Variants in DNAH8 observed in about 807,000 individuals in gnomAD.
The protein encoded by DNAH8 is dynein axonemal heavy chain 8.
DNAH8 carries 382 observed loss-of-function variants against 562.1 expected under a neutral mutation model. The ratio of observed to expected loss-of-function variants is 0.68; its 90% CI spans 0.63 to 0.74. The LOEUF (loss-of-function observed/expected upper bound fraction) is 0.74. DNAH8 is among the 30% of genes least tolerant of loss of function. The probability of loss-of-function intolerance (pLI) is 0.00; values close to 1 mark genes in which losing one functional copy is unlikely to be tolerated. For synonymous variants in DNAH8, 1,881 were observed against 1,919.4 expected (o/e 0.98, Z 0.52); for missense variants, 5,203 against 5,620.4 (o/e 0.93, Z 2.37).
chr6:39,006,143 C>G (rs952720734), intron 88 of DNAH8, among the ~76,000 whole-genome samples: 5 of 152,216 alleles, frequency 3.3e-5, no homozygotes, highest in Non-Finnish European at 5.9e-5. Context: ...TGGAAAGGAA[C>G]CCAGCCTTGC....
chr6:38,873,492 T>C, intron 52 of DNAH8, 116 bp downstream of exon 52: 1 of 875,448 alleles, frequency 1.1e-6, no homozygotes, highest in Non-Finnish European at 1.7e-6. Flanking sequence ...CATTTGATGA[T>C]GTGGCTGTAA....
At chr6:38,856,189 G>T (rs1776182569) in intron 41 of DNAH8, among the ~76,000 whole-genome samples, 1 of 152,094 alleles carries the variant, frequency 6.6e-6, no homozygotes, top group Non-Finnish European at 1.5e-5. Flanking sequence ...TAGTTTCCAT[G>T]TATGTGTGAG....
At position 38,744,891 on chromosome 6, in the gene DNAH8, C is replaced by G. The variant is rs147135398; in HGVS notation, c.1293+3004C>G. Among the ~76,000 whole-genome samples, 1,308 of 152,284 alleles carry G rather than the reference C, an allele frequency of 8.6e-3. 20 individuals are homozygous for G. The highest frequency in any genetic ancestry group is 0.03 in the African/African-American group (1,232 of 41,548). On this transcript the variant is annotated intron_variant, in intron 8 of 92. Transcript: ENST00000327475. ...GGGATTACAGACGTGAGCCACTGTGCCTGGCCACTTGGAGTCCTTTATATA... is the reference window on the plus strand; with the variant it reads ...GGGATTACAGACGTGAGCCACTGTGGCTGGCCACTTGGAGTCCTTTATATA...
At chr6:38,776,217 CTT>C (rs200097924) in intron 13 of DNAH8, among the ~76,000 whole-genome samples, 103 of 137,094 alleles carry the variant, frequency 7.5e-4, no homozygotes, top group Non-Finnish European at 6.0e-4. Flanking sequence ...AGCTAGGATT[CTT>C]TTTTTTTTTT....
In DNAH8 at chr6:38,805,494, C is replaced by T. The variant is rs373742505; in HGVS notation, c.3048C>T (p.His1016=). Residue 1016 remains histidine (H), a synonymous_variant, in exon 23 of 93, where the codon CAC becomes CAT. Coordinates refer to ENST00000327475, the MANE Select transcript of DNAH8 (RefSeq NM_001206927.2). ...TTTTGTCTATAGAACAGCGGAAACA[C>T]GTTGTTTTTGGAAGTGAAACAGGAG... ...KVGKQSEQRK[H]VVFGSETGEG... 215 of 1,605,468 alleles carry T rather than the reference C, an allele frequency of 1.3e-4. 2 individuals carry two copies. The highest frequency in any genetic ancestry group is 9.2e-4 in the East Asian group (41 of 44,646).
At chr6:38,982,806 G>A (rs768209960) in intron 86 of DNAH8, among the ~76,000 whole-genome samples, 18 of 152,196 alleles carry the variant, frequency 1.2e-4, no homozygotes, top group Non-Finnish European at 2.5e-4. Context: ...GTATCTGCCT[G>A]CCCATGCGAA....
intron 57 of DNAH8, among the ~76,000 whole-genome samples, chr6:38,888,974 T>C (rs1402980803): frequency 1.3e-5 from 2 of 152,368 alleles, no homozygotes; most frequent in African/African-American, 2.4e-5. Flanking sequence ...AAGTATTCTT[T>C]TATGTTTTCT....
intron 20 of DNAH8, 86 bp downstream of exon 20, chr6:38,790,491 G>T (rs1769628640): frequency 9.0e-6 from 6 of 666,734 alleles, no homozygotes; most frequent in Non-Finnish European, 1.5e-5. Context: ...TCTTTAAAGG[G>T]TATGACTTTT....
chr6:38,909,301 T>G (rs1780704369), intron 64 of DNAH8, among the ~76,000 whole-genome samples: 1 of 152,186 alleles, frequency 6.6e-6, no homozygotes, highest in African/African-American at 2.4e-5. Context: ...TTCCTAGAAT[T>G]GAACGCAATA....
At chr6:38,778,855 A>G (rs761052208) in intron 14 of DNAH8, among the ~76,000 whole-genome samples, 22 of 152,154 alleles carry the variant, frequency 1.4e-4, no homozygotes, top group Non-Finnish European at 2.5e-4. Flanking sequence ...AAAACTTTCC[A>G]TTTTCCCTCC....
intron 68 of DNAH8, 105 bp downstream of exon 68, chr6:38,915,482 T>C: frequency 1.0e-6 from 1 of 973,550 alleles, no homozygotes. Context: ...CTTAATGTGA[T>C]TGATAATCTC....
chr6:38,773,124 A>AT (rs1041220513), intron 12 of DNAH8, among the ~76,000 whole-genome samples: 15 of 151,576 alleles, frequency 9.9e-5, no homozygotes, highest in Non-Finnish European at 1.6e-4. Context: ...GCCAATAGGG[A>AT]TTTTTTTGGG....
chr6:39,017,576 C>T (rs1440670358), intron 91 of DNAH8, among the ~76,000 whole-genome samples: 1 of 152,082 alleles, frequency 6.6e-6, no homozygotes, highest in Non-Finnish European at 1.5e-5. Context: ...CGTTATTTTC[C>T]GAACGTTTAG....
In DNAH8 at chr6:38,909,558, G is replaced by T; in HGVS notation, c.9554G>T (p.Gly3185Val). Residue 3185 changes from glycine (G) to valine (V), a missense_variant, in exon 65 of 93, where the codon GGC becomes GTC. Gly to Val is a moderately radical substitution (Grantham distance 109). Around this residue, in one of 6 missense-constraint regions of DNAH8, gnomAD observed 977 missense variants for 1,061.8 expected, o/e 0.92. Transcript: ENST00000327475. ...KFRARSLKFP[G>V]LISGCTMDWF... ...CGTGCCCGTTCTTTGAAATTTCCTG[G>T]CTTGATATCAGGTTGCACTATGGAC... is the stretch of plus-strand genomic sequence containing the variant. 6.2e-7 allele frequency: 1 copy of T among 1,614,052 alleles called. No homozygotes were observed.
chr6:38,750,501 T>C lies in DNAH8; in HGVS notation c.1319T>C (p.Ile440Thr). The C allele has an allele frequency of 6.2e-7, 1 of 1,611,156 alleles. No homozygotes were observed. The highest frequency in any genetic ancestry group is 8.5e-7 in the Non-Finnish European group (1 of 1,178,660). ...AATTGGCGTGATTTGGATGCAAGAATCACTGATACAGCAAATGAATCCAAA... is the reference window on the plus strand; with the variant it reads ...AATTGGCGTGATTTGGATGCAAGAACCACTGATACAGCAAATGAATCCAAA... ...LKNWRDLDARITDTANESKDN... is the reference protein window; with the variant it reads ...LKNWRDLDARTTDTANESKDN... Residue 440 changes from isoleucine (I) to threonine (T), a missense_variant, in exon 9 of 93, where the codon ATC becomes ACC. Ile to Thr is a moderately conservative substitution (Grantham distance 89). Coordinates refer to ENST00000327475, the MANE Select transcript of DNAH8 (RefSeq NM_001206927.2).
chr6:39,014,458 C>T (rs1766433339), intron 91 of DNAH8, among the ~76,000 whole-genome samples: 1 of 152,156 alleles, frequency 6.6e-6, no homozygotes, highest in Non-Finnish European at 1.5e-5. Flanking sequence ...AGCCCCTCTG[C>T]TAGGTACTTT....
At chr6:38,912,206 G>A (rs1187682673) in intron 66 of DNAH8, among the ~76,000 whole-genome samples, 1 of 152,160 alleles carries the variant, frequency 6.6e-6, no homozygotes, top group Admixed American at 6.5e-5. Context: ...GCTGATGCCT[G>A]TAATTCCACA....
At chr6:38,723,981 A>AATTAATTAATTAATTAATTAATTT (rs1762995724) in intron 3 of DNAH8, among the ~76,000 whole-genome samples, 1 of 105,898 alleles carries the variant, frequency 9.4e-6, no homozygotes, top group Non-Finnish European at 2.6e-5. Context: ...TTAATTAATT[A>AATTAATTAATTAATTAATTAATTT]ATTAATTAAT....
At chr6:39,000,548 G>T (rs1188446331) in intron 88 of DNAH8, among the ~76,000 whole-genome samples, 1 of 152,148 alleles carries the variant, frequency 6.6e-6, no homozygotes, top group East Asian at 1.9e-4. Context: ...CGTGAACTGC[G>T]CATGCCAGGG....
Sources: gnomAD v4.1 joint callset for allele counts (sites outside exome capture counted in the v4.1 genomes callset) on GRCh38, gnomAD v4.1.1 for gene constraint, gnomAD v4.1.1 regional missense constraint, MANE v1.5 for transcripts, NCBI Gene and HGNC (gene_info 2026-07-23, HGNC 2026-07-21) for gene names.